Variants in STPG2 observed in about 807,000 individuals in gnomAD.
STPG2 encodes sperm-tail PG-rich repeat-containing protein 2.
A neutral mutation model predicts 54.2 loss-of-function variants in STPG2; 56 were observed. That is an observed-to-expected ratio of 1.03 (90% CI 0.83 to 1.29). The LOEUF is 1.29. Ranked by LOEUF, STPG2 falls within the 50% of genes most tolerant of loss-of-function variation. STPG2 has a pLI of 0.00. For missense variants in STPG2, 596 were observed against 544.9 expected (o/e 1.09, Z -0.93); for synonymous variants, 200 against 181.8 (o/e 1.10, Z -0.81).
intron 4 of STPG2, among the ~76,000 whole-genome samples, chr4:97,542,889 C>T (rs1731750394): frequency 6.6e-6 from 1 of 152,062 alleles, no homozygotes; most frequent in African/African-American, 2.4e-5. Context: ...AAACCTAACA[C>T]CGCATGTTCT....
chr4:97,903,841 T>A (rs969070029), intron 8 of STPG2, among the ~76,000 whole-genome samples: 1 of 152,190 alleles, frequency 6.6e-6, no homozygotes, highest in Non-Finnish European at 1.5e-5. Flanking sequence ...GGGTGACAGA[T>A]GGCACCTGGA....
intron 8 of STPG2, among the ~76,000 whole-genome samples, chr4:97,843,039 T>TTTATA (rs1728847395): frequency 6.6e-6 from 1 of 151,942 alleles, no homozygotes; most frequent in African/African-American, 2.4e-5. Flanking sequence ...CTAAATGAGC[T>TTTATA]GAATACCATT....
At position 97,448,797 on chromosome 4, in the gene STPG2, G is replaced by A. The variant is rs77529033; in HGVS notation, c.463-260964C>T. Among the ~76,000 whole-genome samples the A allele has an allele frequency of 5.4e-3, 823 of 152,146 alleles. 5 individuals carry two copies. Among genetic ancestry groups the A allele is most frequent in the African/African-American group, 0.019 (782 of 41,482 alleles). ...TTTTTGTTTGGCTTTTTGTTCTAGA[G>A]TAGGAGTGATTTCTCTATCAATCAA... On this transcript the variant is annotated intron_variant, in intron 4 of 4. Coordinates refer to the STPG2 transcript ENST00000522676.
At chr4:98,018,423 G>A (rs1736046256) in intron 5 of STPG2, among the ~76,000 whole-genome samples, 1 of 152,178 alleles carries the variant, frequency 6.6e-6, no homozygotes, top group African/African-American at 2.4e-5. Flanking sequence ...ATCATTGTTG[G>A]ACATTTGGGT....
chr4:97,529,059 C>A (rs949308256), intron 4 of STPG2, among the ~76,000 whole-genome samples: 31 of 152,124 alleles, frequency 2.0e-4, no homozygotes, highest in African/African-American at 7.0e-4. Context: ...TTGTCTTGTG[C>A]CAGTTTTCAA....
rs560887562 is a variant in STPG2, at chr4:97,920,149, C to A, written c.1044+23748G>T. Among the ~76,000 whole-genome samples, 15 of 152,256 alleles carry A rather than the reference C, an allele frequency of 9.9e-5. No homozygotes were observed. The South Asian group carries it at 2.7e-3, about 27-fold the overall frequency. ...AAACACTGAGAGGACAGGATTCTGG[C>A]TTACAGAATTTAAAACAGGCTTTGT... On this transcript the variant is annotated intron_variant, in intron 8 of 10. Transcript: ENST00000295268.
chr4:97,483,119 C>T (rs1166418717), intron 4 of STPG2, among the ~76,000 whole-genome samples: 1 of 151,578 alleles, frequency 6.6e-6, no homozygotes, highest in African/African-American at 2.4e-5. Flanking sequence ...AAGCATAAAT[C>T]AGACAGGACC....
chr4:97,773,680 A>T (rs532075434), intron 9 of STPG2, among the ~76,000 whole-genome samples: 21 of 152,280 alleles, frequency 1.4e-4, no homozygotes, highest in Middle Eastern at 6.8e-3. Flanking sequence ...ACTATACTGT[A>T]TTTATACTTT....
At chr4:97,474,385 TG>T (rs1176267429) in intron 4 of STPG2, among the ~76,000 whole-genome samples, 3 of 152,224 alleles carry the variant, frequency 2.0e-5, no homozygotes, top group South Asian at 4.1e-4. Context: ...TGATGGAGGT[TG>T]GGGGGTGGAT....
At chr4:97,605,430 G>T (rs1290522809) in intron 10 of STPG2, among the ~76,000 whole-genome samples, 1 of 151,652 alleles carries the variant, frequency 6.6e-6, no homozygotes, top group East Asian at 1.9e-4. Context: ...AGCCTAAAAA[G>T]TTTGTGCTAG....
At chr4:97,895,642 G>C (rs1730928562) in intron 8 of STPG2, among the ~76,000 whole-genome samples, 1 of 151,724 alleles carries the variant, frequency 6.6e-6, no homozygotes, top group South Asian at 2.1e-4. Context: ...GAATTCTGTA[G>C]TGATGCTTTC....
intron 5 of STPG2, among the ~76,000 whole-genome samples, chr4:98,027,958 T>C (rs1736477959): frequency 1.3e-5 from 2 of 152,164 alleles, no homozygotes; most frequent in African/African-American, 2.4e-5. Context: ...ATTTTGAGTC[T>C]CCTACATCTG....
intron 8 of STPG2, among the ~76,000 whole-genome samples, chr4:97,861,557 T>C (rs76749116): frequency 0.013 from 1,989 of 152,218 alleles, 52 homozygotes; most frequent in African/African-American, 0.045. Flanking sequence ...CACTCCTATG[T>C]TTATGGCAGC....
chr4:97,766,414 T>G (rs2149058302), intron 9 of STPG2, among the ~76,000 whole-genome samples: 1 of 152,202 alleles, frequency 6.6e-6, no homozygotes, highest in South Asian at 2.1e-4. Flanking sequence ...AAATATAAAA[T>G]TCCTTTTATC....
intron 8 of STPG2, among the ~76,000 whole-genome samples, chr4:97,876,789 T>G (rs1730186588): frequency 6.6e-6 from 1 of 152,086 alleles, no homozygotes; most frequent in Admixed American, 6.5e-5. Context: ...GCATTTTATA[T>G]CGATGAGAAT....
intron 8 of STPG2, among the ~76,000 whole-genome samples, chr4:97,887,059 G>C (rs1407859681): frequency 6.6e-6 from 1 of 152,142 alleles, no homozygotes; most frequent in Admixed American, 6.6e-5. Flanking sequence ...ACAGCCTGTG[G>C]AACTGTGAGC....
At chr4:97,791,997 T>C (rs886433366) in intron 9 of STPG2, among the ~76,000 whole-genome samples, 7 of 151,692 alleles carry the variant, frequency 4.6e-5, no homozygotes, top group Non-Finnish European at 8.8e-5. Flanking sequence ...GACAAAGAGA[T>C]CTTGAAAACA....
At chr4:97,819,002 T>C (rs1328029970) in intron 9 of STPG2, among the ~76,000 whole-genome samples, 1 of 148,206 alleles carries the variant, frequency 6.7e-6, no homozygotes, top group African/African-American at 2.4e-5. Flanking sequence ...ATATAAAAAG[T>C]GTCCAAAGAA....
intron 4 of STPG2, among the ~76,000 whole-genome samples, chr4:97,507,237 C>A (rs1730869804): frequency 6.6e-6 from 1 of 151,900 alleles, no homozygotes; most frequent in Non-Finnish European, 1.5e-5. Flanking sequence ...CACGAGGACA[C>A]AAACCAAAAT....
Sources: gnomAD v4.1 joint callset for allele counts (sites outside exome capture counted in the v4.1 genomes callset) on GRCh38, gnomAD v4.1.1 for gene constraint, MANE v1.5 for transcripts, NCBI Gene and HGNC (gene_info 2026-07-23, HGNC 2026-07-21) for gene names.